Variants in ZDHHC14 observed in about 807,000 individuals in gnomAD.
The protein encoded by ZDHHC14 is palmitoyltransferase ZDHHC14.
Under a neutral mutation model 47.7 loss-of-function variants are expected in ZDHHC14, and 16 were observed. The ratio of observed to expected loss-of-function variants is 0.34; its 90% confidence interval spans 0.23 to 0.51. The LOEUF (loss-of-function observed/expected upper bound fraction) is 0.51. ZDHHC14 is among the 20% of genes least tolerant of loss of function. The pLI is 0.97. For synonymous variants in ZDHHC14, 293 were observed against 278.9 expected, an observed-to-expected ratio of 1.05 and a Z score of -0.50; for missense variants, 515 against 662.5, an observed-to-expected ratio of 0.78 and a Z score of 2.44.
At chr6:157,612,294 T>C (rs1287505326) in intron 3 of ZDHHC14, among the ~76,000 whole-genome samples, 1 of 152,188 alleles carries the variant, frequency 6.6e-6, no homozygotes, top group Non-Finnish European at 1.5e-5. Context: ...TCCACTCTGC[T>C]CCTCATCTAA....
At chr6:157,469,441 G>T (rs2114823826) in intron 1 of ZDHHC14, among the ~76,000 whole-genome samples, 1 of 152,332 alleles carries the variant, frequency 6.6e-6, no homozygotes, top group Admixed American at 6.5e-5. Context: ...ATATGTAGGG[G>T]AATCTTACGC....
intron 1 of ZDHHC14, among the ~76,000 whole-genome samples, chr6:157,391,231 C>G (rs1241105070): frequency 6.6e-6 from 1 of 152,176 alleles, no homozygotes; most frequent in African/African-American, 2.4e-5. Context: ...TGTTTTTCAG[C>G]CTGACTGCCG....
chr6:157,438,210 A>G (rs914662434), intron 1 of ZDHHC14, among the ~76,000 whole-genome samples: 2 of 152,206 alleles, frequency 1.3e-5, no homozygotes, highest in Non-Finnish European at 1.5e-5. Flanking sequence ...ACAGGTTGCT[A>G]AGGTGTCACA....
chr6:157,674,251 G>A lies in ZDHHC14; in HGVS notation c.*1129G>A, dbSNP rs6901978. On this transcript the variant is annotated 3_prime_UTR_variant, in exon 9 of 9. Transcript: ENST00000359775. ...GCTCAGGGAGAAGGTTCTGTCGGGC[G>A]TCTTCTGGGCTTCCTTCTGTGTTAA... 4,625 of 152,260 alleles carry A rather than the reference G, an allele frequency of 0.03. 111 individuals carry two copies. The highest frequency in any genetic ancestry group is 0.1 in the East Asian group (524 of 5,184). 9.4% of individuals were successfully genotyped at this position (152,260 alleles called of 1,614,324 possible).
At chr6:157,556,268 G>A (rs1182083546) in intron 2 of ZDHHC14, among the ~76,000 whole-genome samples, 1 of 141,740 alleles carries the variant, frequency 7.1e-6, no homozygotes, top group African/African-American at 2.5e-5. Flanking sequence ...GTGGAGGGTG[G>A]GAAGGGGGGA....
chr6:157,542,717 T>C lies in ZDHHC14; in HGVS notation c.378T>C (p.Asp126=). ...DPGVLPRATP[D]EAADLERQID... is the part of the protein sequence containing the mutation. ...GAGTCCTCCCACGAGCCACGCCTGA[T>C]GAAGCCGCCGATCTGGAAAGGCAAA... is the stretch of plus-strand genomic sequence containing the variant. Residue 126 remains aspartate (D), a synonymous_variant, in exon 2 of 9, where the codon GAT becomes GAC. Coordinates refer to ENST00000359775, the MANE Select transcript of ZDHHC14 (RefSeq NM_024630.3). The C allele has an allele frequency of 6.2e-7, 1 of 1,613,798 alleles. No homozygotes were observed. Among genetic ancestry groups the C allele is most frequent in the Non-Finnish European group, 8.5e-7 (1 of 1,179,996 alleles).
chr6:157,669,333 TG>T (rs796604258), intron 8 of ZDHHC14, among the ~76,000 whole-genome samples: 5 of 118,446 alleles, frequency 4.2e-5, no homozygotes, highest in South Asian at 2.7e-4. Context: ...AGAGGGGTGG[TG>T]GGGGGGGAAG....
At chr6:157,423,694 T>G (rs1334016053) in intron 1 of ZDHHC14, among the ~76,000 whole-genome samples, 1 of 152,184 alleles carries the variant, frequency 6.6e-6, no homozygotes, top group Non-Finnish European at 1.5e-5. Flanking sequence ...AAAATCTCTG[T>G]TTTGTAAGCA....
intron 1 of ZDHHC14, among the ~76,000 whole-genome samples, chr6:157,397,572 A>G (rs1777547516): frequency 6.6e-6 from 1 of 152,056 alleles, no homozygotes; most frequent in Non-Finnish European, 1.5e-5. Context: ...TTAAGAACCC[A>G]TGGGATTCCC....
intron 1 of ZDHHC14, among the ~76,000 whole-genome samples, chr6:157,506,316 A>G (rs1583721200): frequency 6.6e-6 from 1 of 152,192 alleles, no homozygotes; most frequent in African/African-American, 2.4e-5. Context: ...CAGTTTCCTC[A>G]TTAGGGAAAT....
intron 7 of ZDHHC14, among the ~76,000 whole-genome samples, 157 bp downstream of exon 7, chr6:157,647,525 T>A (rs146213600): frequency 0.034 from 5,205 of 152,350 alleles, 130 homozygotes; most frequent in Non-Finnish European, 0.052. Flanking sequence ...GAGATCTGGC[T>A]GTTTGTCGTG....
intron 1 of ZDHHC14, among the ~76,000 whole-genome samples, chr6:157,405,884 G>A (rs1777748831): frequency 6.6e-6 from 1 of 152,160 alleles, no homozygotes; most frequent in South Asian, 2.1e-4. Context: ...GAGCGGGTGT[G>A]CTAACATGAA....
chr6:157,424,116 A>G (rs1055425564), intron 1 of ZDHHC14, among the ~76,000 whole-genome samples: 1 of 152,206 alleles, frequency 6.6e-6, no homozygotes, highest in African/African-American at 2.4e-5. Context: ...ATATCAAACA[A>G]CACATTCACT....
chr6:157,479,429 G>A (rs1369639236), intron 1 of ZDHHC14, among the ~76,000 whole-genome samples: 1 of 152,160 alleles, frequency 6.6e-6, no homozygotes, highest in African/African-American at 2.4e-5. Flanking sequence ...TTTCCAACAG[G>A]GGGAGTGGAA....
chr6:157,575,935 A>G (rs1783289545), intron 2 of ZDHHC14, among the ~76,000 whole-genome samples: 1 of 152,174 alleles, frequency 6.6e-6, no homozygotes, highest in Non-Finnish European at 1.5e-5. Context: ...TGCAGGACTC[A>G]CTACTCGGCT....
At chr6:157,414,424 C>A (rs1187126292) in intron 1 of ZDHHC14, among the ~76,000 whole-genome samples, 2 of 152,216 alleles carry the variant, frequency 1.3e-5, no homozygotes, top group East Asian at 3.8e-4. Flanking sequence ...CATGGTGCCA[C>A]CCTTCCACTT....
intron 1 of ZDHHC14, among the ~76,000 whole-genome samples, chr6:157,476,276 A>C (rs1779481652): frequency 6.6e-6 from 1 of 152,326 alleles, no homozygotes; most frequent in South Asian, 2.1e-4. Flanking sequence ...AAAGGATCAT[A>C]AGGGACTACC....
At chr6:157,387,348 C>G (rs1777333523) in intron 1 of ZDHHC14, among the ~76,000 whole-genome samples, 1 of 152,182 alleles carries the variant, frequency 6.6e-6, no homozygotes, top group Non-Finnish European at 1.5e-5. Flanking sequence ...AACGACGTCT[C>G]TGTTATAGAT....
At chr6:157,572,284 C>T (rs748783186) in intron 2 of ZDHHC14, among the ~76,000 whole-genome samples, 19 of 152,262 alleles carry the variant, frequency 1.2e-4, no homozygotes, top group Non-Finnish European at 1.8e-4. Context: ...CAACTACAAA[C>T]ATCTCTAGAT....
Sources: allele counts gnomAD v4.1 joint callset (sites outside exome capture counted in the v4.1 genomes callset), GRCh38; gene constraint gnomAD v4.1.1; transcripts MANE v1.5; gene names NCBI Gene and HGNC (gene_info 2026-07-23, HGNC 2026-07-21).